Variants in SSR1 observed in about 807,000 individuals in gnomAD.
SSR1 encodes the protein translocon-associated protein subunit alpha.
Under a neutral mutation model 36.1 loss-of-function variants are expected in SSR1, and 13 were observed. That is an observed-to-expected ratio of 0.36 (90% confidence interval 0.23 to 0.57). The LOEUF is 0.57. SSR1 is among the 20% of genes least tolerant of loss of function. The pLI, the probability that SSR1 is intolerant of heterozygous loss-of-function variation, is 0.81. For missense variants in SSR1, 291 were observed against 338.5 expected, an observed-to-expected ratio of 0.86 and a Z score of 1.10; for synonymous variants, 113 against 118.9, an observed-to-expected ratio of 0.95 and a Z score of 0.32.
At chr6:7,300,050 T>G (rs933377003) in intron 4 of SSR1, among the ~76,000 whole-genome samples, 3 of 152,166 alleles carry the variant, frequency 2.0e-5, no homozygotes, top group Non-Finnish European at 4.4e-5. Context: ...TGGATTAAAT[T>G]TTATTCTACT....
chr6:7,307,040 A>G (rs939555618), intron 2 of SSR1, among the ~76,000 whole-genome samples: 15 of 150,926 alleles, frequency 9.9e-5, no homozygotes, highest in Non-Finnish European at 5.9e-5. Flanking sequence ...CTTATGAAAA[A>G]CCCCCTTTTC....
intron 2 of SSR1, among the ~76,000 whole-genome samples, chr6:7,309,284 C>A (rs1448577292): frequency 6.6e-6 from 1 of 152,072 alleles, no homozygotes; most frequent in Non-Finnish European, 1.5e-5. Context: ...ATAGCAAGAC[C>A]CTGTCTCTAC....
rs1328771196 is a variant in SSR1 at position 7,313,177 on chromosome 6, G to A, written c.-57C>T. ...GGCTAAGGCTCTCGGCGGCTCCGGC[G>A]GTAATGGCGTTACTCTTCATCCGGG... On this transcript the variant is annotated 5_prime_UTR_variant, in exon 1 of 8. Coordinates refer to ENST00000244763, the MANE Select transcript of SSR1 (RefSeq NM_003144.5). 4.7e-6 allele frequency: 7 copies of A among 1,498,562 alleles called. No homozygotes were observed. Among genetic ancestry groups the A allele is most frequent in the Middle Eastern group, 1.7e-4 (1 of 5,830 alleles). 92.8% of individuals were successfully genotyped at this position (1,498,562 alleles called of 1,614,324 possible).
At chr6:7,292,278 T>C (rs1757701435) in intron 7 of SSR1, among the ~76,000 whole-genome samples, 2 of 152,182 alleles carry the variant, frequency 1.3e-5, no homozygotes, top group Non-Finnish European at 2.9e-5. Context: ...TGCTTCTCTT[T>C]CCTAGATTAT....
rs764261993 is a variant in SSR1, at chr6:7,301,561, T to C, written c.292A>G (p.Asn98Asp). 1.9e-6 allele frequency: 3 copies of C among 1,605,134 alleles called. No homozygotes were observed. Among genetic ancestry groups the C allele is most frequent in the African/African-American group, 2.7e-5 (2 of 74,322 alleles). ...CCTACCAGGAACTTCACAATGTTAT[T>C]TGCTGGAAAATCTGAGAAACAAAAT... ...LFVKGEDFPA[N>D]NIVKFLVGFT... is the part of the protein sequence containing the mutation. Residue 98 changes from asparagine (N) to aspartate (D), a missense_variant, in exon 4 of 8, where the codon AAT (asparagine) becomes GAT (aspartate). Asn to Asp is a conservative substitution (Grantham distance 23). Coordinates refer to ENST00000244763, the MANE Select transcript of SSR1 (RefSeq NM_003144.5).
chr6:7,304,387 C>T (rs993100275), intron 2 of SSR1, among the ~76,000 whole-genome samples: 1 of 152,170 alleles, frequency 6.6e-6, no homozygotes. Flanking sequence ...GAATGGGGAT[C>T]GCTAGATGTG....
rs1215199554 is a variant in SSR1, at chr6:7,284,666, T to C, written c.*5198A>G. 1 of 150,862 alleles carries C rather than the reference T, an allele frequency of 6.6e-6. No homozygotes were observed. The highest frequency in any genetic ancestry group is 1.5e-5 in the Non-Finnish European group (1 of 67,942). 9.3% of individuals were successfully genotyped at this position (150,862 alleles called of 1,614,324 possible). On this transcript the variant is annotated 3_prime_UTR_variant, in exon 8 of 8. Coordinates refer to ENST00000244763, the MANE Select transcript of SSR1 (RefSeq NM_003144.5). ...AAGCATCATACAACTTGCCTCCAAC[T>C]AAGAGGGGATCTGGGGTTCAAACCC...
rs370188974 is a variant in SSR1 at position 7,298,845 on chromosome 6, T to A, written c.544-22A>T. On this transcript the variant is annotated intron_variant, in intron 4 of 7. Transcript: ENST00000244763. Reference sequence around the variant, plus strand: ...TGCCCTGTTTAAGAAAATAAAATAATCAGAAAAATCTAAATGCAATAAAGG... The same window carrying A: ...TGCCCTGTTTAAGAAAATAAAATAAACAGAAAAATCTAAATGCAATAAAGG... 17 of 1,584,460 alleles carry A rather than the reference T, an allele frequency of 1.1e-5. No individual in the cohort carries two copies. The highest frequency in any genetic ancestry group is 1.7e-4 in the Middle Eastern group (1 of 6,034).
At chr6:7,294,956 G>T in intron 7 of SSR1, 3 of 694,602 alleles carry the variant, frequency 4.3e-6, no homozygotes, top group South Asian at 2.6e-5. Flanking sequence ...AGTTATACTG[G>T]GTAGTTTTTC....
chr6:7,289,080 G>C lies in SSR1; in HGVS notation c.*784C>G, dbSNP rs1757619559. The C allele has an allele frequency of 6.6e-6, 1 of 152,052 alleles. No homozygotes were observed. The highest frequency in any genetic ancestry group is 6.6e-5 in the Admixed American group (1 of 15,258). 9.4% of individuals were successfully genotyped at this position (152,052 alleles called of 1,614,324 possible). A position where few individuals can be genotyped will look rare whatever the true frequency, so the allele number is the denominator to read the frequency against. On this transcript the variant is annotated 3_prime_UTR_variant, in exon 8 of 8. Coordinates refer to ENST00000244763, the MANE Select transcript of SSR1 (RefSeq NM_003144.5). Reference sequence around the variant, plus strand: ...AAACCTACACACAACTGAGTGAGTAGGTCTAAAATCACTCCAGAGCTACCT... The same window carrying C: ...AAACCTACACACAACTGAGTGAGTACGTCTAAAATCACTCCAGAGCTACCT...
rs1757502212 is a variant in SSR1, at chr6:7,284,450, C to G, written c.*5414G>C. 6.6e-6 allele frequency: 1 copy of G among 152,176 alleles called. No individual in the cohort carries two copies. Among genetic ancestry groups the G allele is most frequent in the Non-Finnish European group, 1.5e-5 (1 of 68,042 alleles). The allele number at this position is 152,176 out of a possible 1,614,324, so 9.4% of individuals were successfully genotyped here. A position where few individuals can be genotyped will look rare whatever the true frequency, so the allele number is the denominator to read the frequency against. ...CATATTCAGAATTTACCTACTACCC[C>G]ACCACATCAAAGTCCATAAGGTACC... On this transcript the variant is annotated 3_prime_UTR_variant, in exon 8 of 8. Coordinates refer to ENST00000244763, the MANE Select transcript of SSR1 (RefSeq NM_003144.5).
At chr6:7,310,924 TAAAA>T (rs1292493085) in intron 1 of SSR1, among the ~76,000 whole-genome samples, 2 of 151,904 alleles carry the variant, frequency 1.3e-5, no homozygotes, top group African/African-American at 4.8e-5. Context: ...AAAATAAAAA[TAAAA>T]AAATAAAGCA....
chr6:7,308,568 T>C (rs1398373367), intron 2 of SSR1, among the ~76,000 whole-genome samples: 3 of 152,204 alleles, frequency 2.0e-5, no homozygotes, highest in Non-Finnish European at 4.4e-5. Context: ...ACTAGATGCA[T>C]GCTGCAATGA....
chr6:7,298,343 A>AT (rs1757848266), intron 5 of SSR1, among the ~76,000 whole-genome samples: 1 of 152,380 alleles, frequency 6.6e-6, no homozygotes, highest in Admixed American at 6.5e-5. Context: ...TGAATTATAT[A>AT]TAAGTTTAGA....
At chr6:7,301,786 T>G (rs774291310) in intron 3 of SSR1, among the ~76,000 whole-genome samples, 9 of 152,154 alleles carry the variant, frequency 5.9e-5, no homozygotes, top group Non-Finnish European at 1.3e-4. Context: ...CACTCCCACA[T>G]AAGCATTCAA....
At chr6:7,297,391 G>A (rs991891494) in intron 6 of SSR1, among the ~76,000 whole-genome samples, 8 of 152,098 alleles carry the variant, frequency 5.3e-5, no homozygotes, top group African/African-American at 1.9e-4. Context: ...ATATCACTCT[G>A]GAGGGCACAA....
At chr6:7,312,292 G>T (rs543898327) in intron 1 of SSR1, among the ~76,000 whole-genome samples, 15 of 152,264 alleles carry the variant, frequency 9.9e-5, no homozygotes, top group African/African-American at 3.6e-4. Flanking sequence ...ACTCGAAGTA[G>T]GCCACATTTT....
rs539056844 is a variant in SSR1 at position 7,312,110 on chromosome 6, T to A, written c.79+932A>T. Among the ~76,000 whole-genome samples, 78 of 152,330 alleles carry A rather than the reference T, an allele frequency of 5.1e-4. 3 individuals are homozygous for A. The Middle Eastern group carries it at 0.027, about 53-fold the overall frequency. On this transcript the variant is annotated intron_variant, in intron 1 of 7. Transcript: ENST00000244763. ...ACACAGCTTGCTTAAACTTACAGAA[T>A]GAAAGGGATGCTTAGTCAGACTAAT...
In SSR1 at chr6:7,313,025, C is replaced by T. The variant is rs2113309028; in HGVS notation, c.79+17G>A. 6.3e-7 allele frequency: 1 copy of T among 1,589,334 alleles called. No individual in the cohort carries two copies. Among genetic ancestry groups the T allele is most frequent in the Non-Finnish European group, 8.6e-7 (1 of 1,168,314 alleles). On this transcript the variant is annotated intron_variant, in intron 1 of 7. Coordinates refer to ENST00000244763, the MANE Select transcript of SSR1 (RefSeq NM_003144.5). The stretch of plus-strand genomic sequence containing the variant: ...CTCCTTCCTGGCCATCCCCTCCGCA[C>T]ACTCCCCCAGCCTCACCTCTGGGGC...
Sources: gnomAD v4.1 joint callset for allele counts (sites outside exome capture counted in the v4.1 genomes callset) on GRCh38, gnomAD v4.1.1 for gene constraint, MANE v1.5 for transcripts, NCBI Gene and HGNC (gene_info 2026-07-23, HGNC 2026-07-21) for gene names.